Variants in MYH11 observed in about 807,000 individuals in gnomAD.
The protein encoded by MYH11 is myosin-11.
Under a neutral mutation model 246.6 loss-of-function variants are expected in MYH11, and 80 were observed. The observed-to-expected ratio is 0.32, with a 90% CI of 0.27 to 0.39. The LOEUF (loss-of-function observed/expected upper bound fraction) is 0.39. Among genes scored for constraint, MYH11 ranks in the 10% least tolerant of loss-of-function variants. The probability of loss-of-function intolerance (pLI) is 1.00; values close to 1 mark genes in which losing one functional copy is unlikely to be tolerated. For missense variants in MYH11, 2,158 were observed against 2,546.8 expected (o/e 0.85, Z 3.29); for synonymous variants, 1,071 against 1,015.5 (o/e 1.05, Z -1.04).
intron 2 of MYH11, among the ~76,000 whole-genome samples, chr16:15,833,826 G>C (rs1027941439): frequency 2.0e-5 from 3 of 152,156 alleles, no homozygotes; most frequent in Non-Finnish European, 4.4e-5. Context: ...GGCTGGGAGA[G>C]TAAGTTACTG....
chr16:15,855,070 C>T (rs1326332976), intron 1 of MYH11, among the ~76,000 whole-genome samples: 1 of 152,066 alleles, frequency 6.6e-6, no homozygotes, highest in African/African-American at 2.4e-5. Context: ...ATGTTTGCCT[C>T]AATCTCTGCC....
intron 20 of MYH11, among the ~76,000 whole-genome samples, chr16:15,743,031 G>A (rs2041319213): frequency 6.8e-6 from 1 of 146,582 alleles, no homozygotes; most frequent in South Asian, 2.2e-4. Flanking sequence ...GACCTATTCA[G>A]TAGCCAAAGC....
chr16:15,780,604 T>C (rs1767443149), intron 6 of MYH11, among the ~76,000 whole-genome samples: 1 of 143,524 alleles, frequency 7.0e-6, no homozygotes, highest in South Asian at 2.4e-4. Flanking sequence ...CACCTCAGCC[T>C]CCCGAGTAGC....
At chr16:15,707,988 C>T (rs1322148864) in intron 40 of MYH11, among the ~76,000 whole-genome samples, 1 of 150,142 alleles carries the variant, frequency 6.7e-6, no homozygotes, top group African/African-American at 2.5e-5. Flanking sequence ...AAGCAAAATC[C>T]CAGAGCAGCA....
At chr16:15,704,369 A>G (rs928241898) in intron 40 of MYH11, among the ~76,000 whole-genome samples, 6 of 152,054 alleles carry the variant, frequency 3.9e-5, no homozygotes, top group African/African-American at 1.5e-4. Context: ...GTGGGTGGAG[A>G]AGGTTTTTCA....
rs375953322 is a variant in MYH11, at chr16:15,738,708, G to C, written c.2998-20C>G. ...TCGTTCCTTTTTGGGGAAAGAGAAA[G>C]AGATAGCTTTAGGATTTTTCTTTTC... On this transcript the variant is annotated intron_variant, in intron 23 of 40. Coordinates refer to ENST00000300036, the MANE Select transcript of MYH11 (RefSeq NM_002474.3). 7.6e-5 allele frequency: 123 copies of C among 1,612,766 alleles called. No individual in the cohort carries two copies. The highest frequency in any genetic ancestry group is 1.0e-4 in the Non-Finnish European group (119 of 1,179,182).
At chr16:15,723,069 C>A (rs1475536888) in intron 31 of MYH11, among the ~76,000 whole-genome samples, 1 of 152,090 alleles carries the variant, frequency 6.6e-6, no homozygotes, top group African/African-American at 2.4e-5. Context: ...TAGAATAACC[C>A]TGAGTCACTT....
chr16:15,782,255 GA>G (rs2042372745), intron 6 of MYH11, 129 bp downstream of exon 6: 1 of 767,914 alleles, frequency 1.3e-6, no homozygotes, highest in Non-Finnish European at 2.3e-6. Flanking sequence ...GCCCTTGCAA[GA>G]TTGTGAGATA....
At chr16:15,715,488 G>A (rs1418059961) in intron 38 of MYH11, among the ~76,000 whole-genome samples, 1 of 152,208 alleles carries the variant, frequency 6.6e-6, no homozygotes, top group Admixed American at 6.5e-5. Context: ...CTTGCCAAGT[G>A]AAAGAAGACA....
rs1215595149 is a variant in MYH11 at position 15,855,500 on chromosome 16, C to G, written c.-18+1441G>C. ...ACTGACCCGGGAATGGGTTCTACCA[C>G]TTGCTGGCTGTGTGACACTTTACCT... On this transcript the variant is annotated intron_variant, in intron 1 of 40. Transcript: ENST00000300036. Among the ~76,000 whole-genome samples the G allele has an allele frequency of 6.6e-5, 10 of 152,210 alleles. 1 individual carries two copies.
chr16:15,723,109 A>C (rs2151215445), intron 31 of MYH11, among the ~76,000 whole-genome samples: 1 of 152,364 alleles, frequency 6.6e-6, no homozygotes, highest in South Asian at 2.1e-4. Flanking sequence ...CTAAATAATA[A>C]TGTATCTTAA....
intron 10 of MYH11, among the ~76,000 whole-genome samples, chr16:15,762,154 T>C (rs886909130): frequency 1.4e-4 from 22 of 152,186 alleles, no homozygotes; most frequent in Non-Finnish European, 3.2e-4. Context: ...TTTGTATTTT[T>C]AGTAGAGATG....
At position 15,720,824 on chromosome 16, in the gene MYH11, C is replaced by T; in HGVS notation, c.4791+15G>A. ...CACCCGACCTCCCTCTGCTGGCCTC[C>T]CCGGCAGCACGCACCTGTCTCTGCA... On this transcript the variant is annotated intron_variant, in intron 33 of 40. Coordinates refer to ENST00000300036, the MANE Select transcript of MYH11 (RefSeq NM_002474.3). The T allele has an allele frequency of 1.2e-6, 2 of 1,612,766 alleles. No individual in the cohort carries two copies. The highest frequency in any genetic ancestry group is 2.2e-5 in the East Asian group (1 of 44,858).
At chr16:15,756,293 C>T (rs1156231728) in intron 14 of MYH11, 48 bp downstream of exon 14, 1 of 1,603,054 alleles carries the variant, frequency 6.2e-7, no homozygotes, top group Non-Finnish European at 8.5e-7. Context: ...GCTGAGCAGC[C>T]ACTGGGGGTC....
intron 2 of MYH11, among the ~76,000 whole-genome samples, chr16:15,823,915 T>C (rs552022852): frequency 3.3e-5 from 5 of 152,180 alleles, no homozygotes; most frequent in South Asian, 2.1e-4. Flanking sequence ...TTGTGAGCCA[T>C]TGCACCTGGC....
chr16:15,768,195 T>C (rs1335557072), intron 9 of MYH11, among the ~76,000 whole-genome samples: 3 of 152,218 alleles, frequency 2.0e-5, no homozygotes, highest in Non-Finnish European at 4.4e-5. Flanking sequence ...ACCTCTCTTC[T>C]TGCTGAGGAA....
chr16:15,720,433 A>C, intron 33 of MYH11, 121 bp from the exon 34 acceptor site: 90 of 1,333,828 alleles, frequency 6.7e-5, no homozygotes, highest in Non-Finnish European at 8.6e-5. Context: ...TGGGCATCTC[A>C]TCCCCAGTTG....
chr16:15,839,565 AC>A (rs1567212871), intron 1 of MYH11, among the ~76,000 whole-genome samples: 2 of 151,936 alleles, frequency 1.3e-5, no homozygotes, highest in African/African-American at 4.8e-5. Context: ...GTGGTGGCAC[AC>A]ACCTGTAGTC....
At chr16:15,833,391 G>A (rs1364720235) in intron 2 of MYH11, among the ~76,000 whole-genome samples, 2 of 150,736 alleles carry the variant, frequency 1.3e-5, no homozygotes, top group Non-Finnish European at 3.0e-5. Context: ...GAGGGAGGAA[G>A]GAAGGAAGGA....
Sources: allele counts gnomAD v4.1 joint callset (sites outside exome capture counted in the v4.1 genomes callset), GRCh38; gene constraint gnomAD v4.1.1; transcripts MANE v1.5; gene names NCBI Gene and HGNC (gene_info 2026-07-23, HGNC 2026-07-21).